Variants in OSBPL10 observed in about 807,000 individuals in gnomAD.
OSBPL10 encodes oxysterol-binding protein-related protein 10.
OSBPL10 carries 49 observed loss-of-function variants against 81.7 expected under a neutral mutation model. The observed-to-expected ratio is 0.60, with a 90% CI of 0.48 to 0.76. The LOEUF (loss-of-function observed/expected upper bound fraction) is 0.76. OSBPL10 is among the 30% of genes least tolerant of loss of function. OSBPL10 has a pLI of 0.00. For missense variants in OSBPL10, 923 were observed against 987.8 expected, an observed-to-expected ratio of 0.93 and a Z score of 0.88; for synonymous variants, 419 against 383.6, an observed-to-expected ratio of 1.09 and a Z score of -1.08.
intron 1 of OSBPL10, among the ~76,000 whole-genome samples, chr3:31,922,566 C>T (rs1390035712): frequency 6.6e-6 from 1 of 152,118 alleles, no homozygotes; most frequent in Middle Eastern, 3.2e-3. Context: ...TGCAGTTAGC[C>T]TGGATCGCAC....
At chr3:31,898,398 G>A (rs1212100376) in intron 1 of OSBPL10, among the ~76,000 whole-genome samples, 3 of 152,044 alleles carry the variant, frequency 2.0e-5, no homozygotes, top group Non-Finnish European at 4.4e-5. Flanking sequence ...GTATACAACT[G>A]TGATTTGTCC....
At chr3:32,030,165 C>T in intron 2 of OSBPL10, 1 of 223,106 alleles carries the variant, frequency 4.5e-6, no homozygotes, top group Non-Finnish European at 9.2e-6. Context: ...TCCTTTCGGC[C>T]AGAACCGCCA....
intron 1 of OSBPL10, 36 bp from the exon 2 acceptor site, chr3:31,879,866 C>G (rs1575596738): frequency 6.3e-7 from 1 of 1,596,852 alleles, no homozygotes; most frequent in East Asian, 2.2e-5. Context: ...ATTTTTCTCT[C>G]CTACCCTATT....
chr3:31,977,313 C>T (rs77566631), intron 1 of OSBPL10, among the ~76,000 whole-genome samples: 12,533 of 152,254 alleles, frequency 0.082, 1,058 homozygotes, highest in East Asian at 0.48. Flanking sequence ...AACCCCCAGC[C>T]CAGGCCGCCA....
chr3:32,023,352 A>G (rs1395599158), intron 2 of OSBPL10, among the ~76,000 whole-genome samples: 3 of 152,022 alleles, frequency 2.0e-5, no homozygotes, highest in African/African-American at 7.2e-5. Context: ...GCCTGCTGCC[A>G]TGTAAGATGT....
intron 3 of OSBPL10, among the ~76,000 whole-genome samples, chr3:31,843,729 A>G (rs529856616): frequency 1.3e-5 from 2 of 152,338 alleles, no homozygotes; most frequent in Admixed American, 6.5e-5. Flanking sequence ...CAAGAGCTAC[A>G]TTGAGGAATA....
At chr3:31,945,164 A>C (rs536829052) in intron 1 of OSBPL10, among the ~76,000 whole-genome samples, 4 of 151,870 alleles carry the variant, frequency 2.6e-5, no homozygotes, top group East Asian at 3.9e-4. Flanking sequence ...AAAAAAAAAA[A>C]AAAAAACAGG....
At chr3:31,878,814 C>CGTGTGTGTGT (rs1559502481) in intron 2 of OSBPL10, among the ~76,000 whole-genome samples, 44 of 104,734 alleles carry the variant, frequency 4.2e-4, no homozygotes, top group African/African-American at 1.1e-3. Flanking sequence ...TCTGCGTGTC[C>CGTGTGTGTGT]ATGTGTGTGT....
At chr3:31,769,677 A>T (rs1698318815) in intron 4 of OSBPL10, among the ~76,000 whole-genome samples, 1 of 151,710 alleles carries the variant, frequency 6.6e-6, no homozygotes, top group Admixed American at 6.6e-5. Context: ...ATTTGGGAAA[A>T]GGAGAGGCAG....
intron 4 of OSBPL10, among the ~76,000 whole-genome samples, chr3:31,801,974 C>A (rs1191463493): frequency 2.0e-5 from 3 of 151,978 alleles, no homozygotes; most frequent in African/African-American, 7.2e-5. Flanking sequence ...TAGGCATGTG[C>A]CACCATGCCC....
chr3:31,734,027 T>A (rs7430234), intron 5 of OSBPL10, among the ~76,000 whole-genome samples: 15,487 of 151,298 alleles, frequency 0.1, 1,506 homozygotes, highest in African/African-American at 0.26. Context: ...AAAAAAAAAA[T>A]TCTAAATATT....
At chr3:31,947,286 G>C (rs1007974448) in intron 1 of OSBPL10, among the ~76,000 whole-genome samples, 13 of 152,266 alleles carry the variant, frequency 8.5e-5, no homozygotes, top group African/African-American at 2.6e-4. Flanking sequence ...GCACGAACAA[G>C]GTCAACCCTC....
chr3:31,833,656 G>T (rs576071609), intron 3 of OSBPL10, among the ~76,000 whole-genome samples: 3 of 148,022 alleles, frequency 2.0e-5, no homozygotes, highest in Non-Finnish European at 4.5e-5. Flanking sequence ...ATACTTACAG[G>T]GTCAGCCATT....
chr3:31,685,691 C>T (rs1161180559), intron 7 of OSBPL10, among the ~76,000 whole-genome samples: 6 of 152,194 alleles, frequency 3.9e-5, no homozygotes, highest in Admixed American at 2.6e-4. Flanking sequence ...TCTGTCCTTC[C>T]TTTCTGCAGT....
intron 5 of OSBPL10, 77 bp from the exon 6 acceptor site, chr3:31,733,488 T>C (rs1319580502): frequency 4.4e-6 from 7 of 1,574,016 alleles, no homozygotes; most frequent in Non-Finnish European, 6.1e-6. Flanking sequence ...TTGTACTCAC[T>C]GTATGAAGAG....
intron 1 of OSBPL10, among the ~76,000 whole-genome samples, chr3:31,892,938 G>A (rs769651134): frequency 3.9e-5 from 6 of 152,158 alleles, no homozygotes; most frequent in South Asian, 4.1e-4. Flanking sequence ...TCTGTTAACC[G>A]GTGGTTGAGC....
In OSBPL10 at chr3:32,065,937, GAAGA is replaced by G. The variant is rs1405850751; in HGVS notation, n.185+11455_185+11458del. On this transcript the variant is annotated intron_variant and non_coding_transcript_variant, in intron 1 of 3. Transcript: ENST00000479173. ...AAGAAGGAAGAAAGAAAGAAGGAAA[GAAGA>G]AAGAAGAAAGAAAGAAAGAAAGAAA... is the stretch of plus-strand genomic sequence containing the variant. Among the ~76,000 whole-genome samples the G allele has an allele frequency of 9.5e-5, 5 of 52,678 alleles. 1 individual carries two copies. Among genetic ancestry groups the G allele is most frequent in the Non-Finnish European group, 2.5e-4 (5 of 19,794 alleles). The allele number at this position is 52,678 out of a possible 152,430, so 34.6% of individuals were successfully genotyped here. A position where few individuals can be genotyped will look rare whatever the true frequency, so the allele number is the denominator to read the frequency against.
chr3:31,685,613 C>A (rs1001081889), intron 7 of OSBPL10, among the ~76,000 whole-genome samples: 4 of 152,222 alleles, frequency 2.6e-5, no homozygotes, highest in African/African-American at 9.7e-5. Context: ...ACGCAGGGAA[C>A]ACACCGGGTT....
At chr3:31,798,125 C>T (rs1699283504) in intron 4 of OSBPL10, among the ~76,000 whole-genome samples, 1 of 152,128 alleles carries the variant, frequency 6.6e-6, no homozygotes, top group Non-Finnish European at 1.5e-5. Flanking sequence ...GAAATGCATG[C>T]AGTATGCATC....
Sources: allele counts gnomAD v4.1 joint callset (sites outside exome capture counted in the v4.1 genomes callset), GRCh38; gene constraint gnomAD v4.1.1; transcripts MANE v1.5; gene names NCBI Gene and HGNC (gene_info 2026-07-23, HGNC 2026-07-21).